CYP4F11: variants seen among roughly 807,000 people sequenced by gnomAD.
CYP4F11 encodes the protein cytochrome P450 4F11.
CYP4F11 carries 79 observed loss-of-function variants against 62.2 expected under a neutral mutation model. That is an observed-to-expected ratio of 1.27 (90% CI 1.06 to 1.53). The LOEUF (loss-of-function observed/expected upper bound fraction) is 1.53, where lower values mean the gene tolerates loss of function less well. Ranked by LOEUF, CYP4F11 falls within the 40% of genes most tolerant of loss-of-function variation. The probability of loss-of-function intolerance (pLI) is 0.00; values close to 1 mark genes in which losing one functional copy is unlikely to be tolerated. For missense variants in CYP4F11, 777 were observed against 680.5 expected (o/e 1.14, Z -1.58); for synonymous variants, 290 against 263.7 (o/e 1.10, Z -0.97).
At chr19:15,925,791 G>C (rs1177811762) in intron 4 of CYP4F11, among the ~76,000 whole-genome samples, 1 of 149,446 alleles carries the variant, frequency 6.7e-6, no homozygotes, top group Non-Finnish European at 1.5e-5. Flanking sequence ...TCTCAGAATT[G>C]TGTTTGCAGA....
At chr19:15,914,521 A>G in intron 10 of CYP4F11, 81 bp downstream of exon 10, 1 of 1,578,988 alleles carries the variant, frequency 6.3e-7, no homozygotes, top group South Asian at 1.1e-5. Flanking sequence ...GTGATGTTGG[A>G]TTTTCCTGGT....
intron 8 of CYP4F11, among the ~76,000 whole-genome samples, chr19:15,917,241 G>T (rs2089590210): frequency 6.6e-6 from 1 of 152,108 alleles, no homozygotes; most frequent in Non-Finnish European, 1.5e-5. Flanking sequence ...AAAATATACA[G>T]AGTGATATAA....
chr19:15,914,684 G>T lies in CYP4F11; in HGVS notation c.1250-18C>A. The T allele has an allele frequency of 6.2e-7, 1 of 1,614,192 alleles. No individual in the cohort carries two copies. Among genetic ancestry groups the T allele is most frequent in the South Asian group, 1.1e-5 (1 of 91,082 alleles). On this transcript the variant is annotated intron_variant, in intron 9 of 11. Coordinates refer to ENST00000402119, the MANE Select transcript of CYP4F11 (RefSeq NM_021187.4). Reference sequence around the variant, plus strand: ...GACAATGCCTGTGGGAGAGAAGAGGGCAGTCAGGACAAGGCCCCCCTGCCT... The same window carrying T: ...GACAATGCCTGTGGGAGAGAAGAGGTCAGTCAGGACAAGGCCCCCCTGCCT...
intron 1 of CYP4F11, among the ~76,000 whole-genome samples, chr19:15,930,338 C>T (rs1462918707): frequency 6.6e-6 from 1 of 152,144 alleles, no homozygotes; most frequent in African/African-American, 2.4e-5. Flanking sequence ...TGCCTGTAAT[C>T]CCAGCACTTT....
chr19:15,932,152 A>G (rs529918005), intron 1 of CYP4F11, among the ~76,000 whole-genome samples: 7 of 20,936 alleles, frequency 3.3e-4, no homozygotes, highest in African/African-American at 1.2e-3. Context: ...GAGGAGAAGA[A>G]TGAGTGAGTG....
chr19:15,927,134 C>A, intron 4 of CYP4F11, 78 bp downstream of exon 4: 2 of 1,536,026 alleles, frequency 1.3e-6, no homozygotes, highest in Non-Finnish European at 8.8e-7. Flanking sequence ...CAAAGCACAA[C>A]CAAAATTCCA....
At chr19:15,930,327 ATGCCTGTAATCCCAG>A (rs1233030193) in intron 1 of CYP4F11, among the ~76,000 whole-genome samples, 1 of 152,170 alleles carries the variant, frequency 6.6e-6, no homozygotes, top group African/African-American at 2.4e-5. Flanking sequence ...GTGGTGGCTC[ATGCCTGTAATCCCAG>A]CACTTTGGGA....
At chr19:15,930,674 T>C (rs528097938) in intron 1 of CYP4F11, among the ~76,000 whole-genome samples, 19 of 152,070 alleles carry the variant, frequency 1.2e-4, no homozygotes, top group Admixed American at 3.3e-4. Context: ...AGAGGATGTG[T>C]TTTCTCGTCT....
chr19:15,913,741 G>A lies in CYP4F11; in HGVS notation c.1566C>T (p.Asn522=), dbSNP rs1406810993. The change falls in exon 12 of 12, where the codon AAC becomes AAT. Residue 522 remains asparagine (N), a synonymous_variant. Coordinates refer to ENST00000402119, the MANE Select transcript of CYP4F11 (RefSeq NM_021187.4). ...TGGGTGGGTAGGACAGTCACTGTGAGTTCGCACCCAGGGGCTCCACCCGCA... is the reference window on the plus strand; with the variant it reads ...TGGGTGGGTAGGACAGTCACTGTGAATTCGCACCCAGGGGCTCCACCCGCA... ...LWLRVEPLGA[N]SQ is the part of the protein sequence containing the mutation. The A allele has an allele frequency of 6.2e-7, 1 of 1,614,138 alleles. No individual in the cohort carries two copies. Among genetic ancestry groups the A allele is most frequent in the Non-Finnish European group, 8.5e-7 (1 of 1,180,012 alleles).
chr19:15,918,968 G>A (rs982745332), intron 8 of CYP4F11, among the ~76,000 whole-genome samples: 9 of 149,384 alleles, frequency 6.0e-5, no homozygotes, highest in African/African-American at 9.9e-5. Context: ...ACACACTGTC[G>A]AGTGGCAAAA....
intron 8 of CYP4F11, 79 bp downstream of exon 8, chr19:15,921,958 A>T: frequency 6.8e-7 from 1 of 1,463,670 alleles, no homozygotes; most frequent in Non-Finnish European, 9.0e-7. Flanking sequence ...GAATTGACCA[A>T]AAAAACTCCC....
In CYP4F11 at chr19:15,934,202, C is replaced by G. The variant is rs752518240; in HGVS notation, c.198+9G>C. The G allele has an allele frequency of 2.2e-5, 35 of 1,613,060 alleles. No homozygotes were observed. The East Asian group carries it at 6.2e-4, about 29-fold the overall frequency. On this transcript the variant is annotated intron_variant, in intron 1 of 11. Transcript: ENST00000402119. Reference sequence around the variant, plus strand: ...TGAGACCCCAGACCCGTCCTGCTGACAAACTCACCAGGCCCTGGTGTCCCC... The same window carrying G: ...TGAGACCCCAGACCCGTCCTGCTGAGAAACTCACCAGGCCCTGGTGTCCCC...
intron 1 of CYP4F11, among the ~76,000 whole-genome samples, chr19:15,931,740 G>A (rs868096899): frequency 1.7e-5 from 1 of 59,702 alleles, no homozygotes. Context: ...GAATGAGTGA[G>A]TGAGGAGAGG....
intron 7 of CYP4F11, 64 bp from the exon 8 acceptor site, chr19:15,922,230 C>A: frequency 6.3e-7 from 1 of 1,596,704 alleles, no homozygotes; most frequent in Non-Finnish European, 8.5e-7. Flanking sequence ...AGGAGAGCAC[C>A]CAAACTCTGA....
intron 1 of CYP4F11, among the ~76,000 whole-genome samples, chr19:15,933,985 G>C (rs62104257): frequency 2.3e-3 from 213 of 94,286 alleles, no homozygotes; most frequent in Admixed American, 3.5e-3. Context: ...AGTGAGCGGG[G>C]AGAGGAATGA....
chr19:15,930,856 C>T (rs370345559), intron 1 of CYP4F11, among the ~76,000 whole-genome samples: 1 of 152,192 alleles, frequency 6.6e-6, no homozygotes, highest in Non-Finnish European at 1.5e-5. Context: ...ACATTCCATT[C>T]TCAGCAGCCC....
Position 15,927,479 on chromosome 19 carries a change from A to C in CYP4F11, c.348T>G (p.Ala116=). 1 of 1,614,190 alleles carries C rather than the reference A, an allele frequency of 6.2e-7. No homozygotes were observed. Among genetic ancestry groups the C allele is most frequent in the Middle Eastern group, 1.7e-4 (1 of 6,060 alleles). Residue 116 remains alanine, a synonymous_variant, in exon 3 of 12, where the codon GCT becomes GCG. Transcript: ENST00000402119. Reference sequence around the variant, plus strand: ...AGAAAATCATATCCTTGGGTGCGACAGCAGCTGACATGATTGAGGACCATC... The same window carrying C: ...AGAAAATCATATCCTTGGGTGCGACCGCAGCTGACATGATTGAGGACCATC... ...IIRPITSASA[A]VAPKDMIFYG...
At position 15,914,352 on chromosome 19, in the gene CYP4F11, G is replaced by C. The variant is rs1337523855; in HGVS notation, c.1350C>G (p.Ile450Met). 6.2e-7 allele frequency: 1 copy of C among 1,614,138 alleles called. No individual in the cohort carries two copies. Among genetic ancestry groups the C allele is most frequent in the Non-Finnish European group, 8.5e-7 (1 of 1,180,020 alleles). The change falls in exon 11 of 12, where the codon ATC (isoleucine) becomes ATG (methionine). Residue 450 changes from isoleucine to methionine, a missense_variant. Physicochemically the swap from Ile to Met is conservative, Grantham distance 10. Transcript: ENST00000402119. ...YDPFRFDQEN[I>M]KERSPLAFIP... ...TAAAAGCCAGAGGTGACCTCTCCTTGATGTTCTCTTGGTCGAAACGGAAGG... is the reference window on the plus strand; with the variant it reads ...TAAAAGCCAGAGGTGACCTCTCCTTCATGTTCTCTTGGTCGAAACGGAAGG...
intron 6 of CYP4F11, 105 bp downstream of exon 6, chr19:15,923,707 G>T: frequency 4.8e-6 from 7 of 1,455,340 alleles, no homozygotes; most frequent in Non-Finnish European, 5.6e-6. Context: ...TTTCAAGCAT[G>T]TTCCATGGCT....
Sources: allele counts gnomAD v4.1 joint callset (sites outside exome capture counted in the v4.1 genomes callset), GRCh38; gene constraint gnomAD v4.1.1; transcripts MANE v1.5; gene names NCBI Gene and HGNC (gene_info 2026-07-23, HGNC 2026-07-21).